The following ZCCHC7 variants were observed in gnomAD, a reference collection of about 807,000 sequenced individuals.
The protein encoded by ZCCHC7 is zinc finger CCHC-type containing 7.
In ZCCHC7, 35 loss-of-function variants were observed where a neutral mutation model predicts 52.0. The ratio of observed to expected loss-of-function variants is 0.67; its 90% confidence interval spans 0.51 to 0.89. ZCCHC7 has a LOEUF of 0.89. Ranked by LOEUF, ZCCHC7 falls within the 40% of genes least tolerant of loss-of-function variation. The pLI, the probability that ZCCHC7 is intolerant of heterozygous loss-of-function variation, is 0.00. For synonymous variants in ZCCHC7, 217 were observed against 221.5 expected, an observed-to-expected ratio of 0.98 and a Z score of 0.18; for missense variants, 574 against 649.1, an observed-to-expected ratio of 0.88 and a Z score of 1.26.
chr9:37,121,792 A>G (rs1842326592), intron 1 of ZCCHC7: 1 of 152,172 alleles, frequency 6.6e-6, no homozygotes, highest in Non-Finnish European at 1.5e-5. Context: ...GACTTAAGTG[A>G]CTAAATTTAG....
At chr9:37,253,946 T>C (rs1247134509) in intron 2 of ZCCHC7, among the ~76,000 whole-genome samples, 2 of 151,978 alleles carry the variant, frequency 1.3e-5, no homozygotes, top group Non-Finnish European at 2.9e-5. Context: ...AGTAAACTAA[T>C]TTCAGTTTTG....
intron 2 of ZCCHC7, among the ~76,000 whole-genome samples, chr9:37,268,795 G>A (rs1309231980): frequency 1.3e-5 from 2 of 152,128 alleles, no homozygotes; most frequent in Non-Finnish European, 2.9e-5. Flanking sequence ...TGTCAATTCT[G>A]GCATTTAATT....
chr9:37,157,800 G>A (rs1388047716), intron 2 of ZCCHC7, among the ~76,000 whole-genome samples: 1 of 152,218 alleles, frequency 6.6e-6, no homozygotes, highest in Non-Finnish European at 1.5e-5. Context: ...AACAAATAGT[G>A]GTGAAGATGT....
chr9:37,213,040 T>C (rs1359439414), intron 2 of ZCCHC7, among the ~76,000 whole-genome samples: 1 of 152,218 alleles, frequency 6.6e-6, no homozygotes, highest in East Asian at 1.9e-4. Flanking sequence ...CGCTTAGATA[T>C]TCAACTGTTT....
chr9:37,271,100 C>T (rs927844922), intron 2 of ZCCHC7, among the ~76,000 whole-genome samples: 2 of 152,172 alleles, frequency 1.3e-5, no homozygotes, highest in Non-Finnish European at 1.5e-5. Flanking sequence ...AAAGAATTAT[C>T]GATGGCTGCT....
At chr9:37,292,187 T>C (rs1828571562) in intron 2 of ZCCHC7, among the ~76,000 whole-genome samples, 1 of 152,220 alleles carries the variant, frequency 6.6e-6, no homozygotes, top group African/African-American at 2.4e-5. Flanking sequence ...TATAAAATTA[T>C]TTTTCATTAT....
intron 6 of ZCCHC7, among the ~76,000 whole-genome samples, chr9:37,338,433 TA>T: frequency 6.6e-6 from 1 of 152,266 alleles, no homozygotes; most frequent in East Asian, 1.9e-4. Context: ...CTTGACTACA[TA>T]AAATGAAGAC....
At chr9:37,231,448 C>A (rs898971145) in intron 2 of ZCCHC7, among the ~76,000 whole-genome samples, 9 of 151,956 alleles carry the variant, frequency 5.9e-5, no homozygotes, top group Non-Finnish European at 4.4e-5. Context: ...GTGTTGCTAT[C>A]GAGATCTGAT....
intron 2 of ZCCHC7, among the ~76,000 whole-genome samples, chr9:37,156,054 T>G (rs955413345): frequency 2.6e-5 from 4 of 152,242 alleles, no homozygotes; most frequent in Non-Finnish European, 5.9e-5. Flanking sequence ...TTAGTTCATG[T>G]GTGTTAGCTG....
At chr9:37,181,022 T>C (rs1187686783) in intron 2 of ZCCHC7, among the ~76,000 whole-genome samples, 1 of 152,200 alleles carries the variant, frequency 6.6e-6, no homozygotes, top group African/African-American at 2.4e-5. Context: ...GCTCAAACTG[T>C]TAAAATACAT....
intron 5 of ZCCHC7, among the ~76,000 whole-genome samples, chr9:37,307,030 C>G (rs925591118): frequency 2.7e-5 from 4 of 150,822 alleles, no homozygotes; most frequent in African/African-American, 9.9e-5. Context: ...AGGTGATCCA[C>G]CCATTTCAGC....
At chr9:37,139,528 C>T (rs1843132736) in intron 2 of ZCCHC7, among the ~76,000 whole-genome samples, 1 of 151,950 alleles carries the variant, frequency 6.6e-6, no homozygotes, top group Non-Finnish European at 1.5e-5. Flanking sequence ...ATCTTGTCTG[C>T]TAAATGTATA....
intron 6 of ZCCHC7, among the ~76,000 whole-genome samples, chr9:37,342,558 G>A (rs890454913): frequency 6.6e-6 from 1 of 152,226 alleles, no homozygotes; most frequent in Non-Finnish European, 1.5e-5. Context: ...ATTGGACAGA[G>A]AGATGGATAG....
intron 6 of ZCCHC7, among the ~76,000 whole-genome samples, chr9:37,346,183 A>T (rs887271855): frequency 1.3e-5 from 2 of 152,080 alleles, no homozygotes; most frequent in Non-Finnish European, 2.9e-5. Flanking sequence ...TTGTATTTTT[A>T]GTAGAAATGA....
intron 2 of ZCCHC7, among the ~76,000 whole-genome samples, chr9:37,300,415 A>G (rs1203841644): frequency 6.6e-6 from 1 of 152,222 alleles, no homozygotes; most frequent in Admixed American, 6.5e-5. Context: ...AATAGCATGG[A>G]TGGTTGATGA....
intron 2 of ZCCHC7, among the ~76,000 whole-genome samples, chr9:37,135,104 C>T (rs78219944): frequency 1.7e-3 from 259 of 152,202 alleles, no homozygotes; most frequent in African/African-American, 4.8e-3. Context: ...TATATCCTGG[C>T]GATCAATCCA....
intron 2 of ZCCHC7, among the ~76,000 whole-genome samples, chr9:37,247,918 AAATAAT>A (rs922086333): frequency 6.6e-5 from 10 of 151,618 alleles, no homozygotes; most frequent in African/African-American, 1.2e-4. Context: ...GTAAAAGTAA[AAATAAT>A]AATAATAATA....
chr9:37,315,782 C>T (rs897006483), intron 5 of ZCCHC7, among the ~76,000 whole-genome samples: 6 of 145,390 alleles, frequency 4.1e-5, no homozygotes, highest in Admixed American at 2.1e-4. Flanking sequence ...AAACCTTTCT[C>T]TCTCACCCTG....
At chr9:37,217,215 CTAATTCT>C (rs1271100138) in intron 2 of ZCCHC7, among the ~76,000 whole-genome samples, 2 of 152,060 alleles carry the variant, frequency 1.3e-5, no homozygotes, top group African/African-American at 4.8e-5. Flanking sequence ...TACCTTATTT[CTAATTCT>C]TAACAGTATC....
Sources: allele counts gnomAD v4.1 joint callset (sites outside exome capture counted in the v4.1 genomes callset), GRCh38; gene constraint gnomAD v4.1.1; transcripts MANE v1.5; gene names NCBI Gene and HGNC (gene_info 2026-07-23, HGNC 2026-07-21).